Variants in ZBTB20 observed in about 807,000 individuals in gnomAD.
ZBTB20 encodes zinc finger and BTB domain containing 20.
Under a neutral mutation model 56.9 loss-of-function variants are expected in ZBTB20, and 9 were observed. The ratio of observed to expected loss-of-function variants is 0.16; its 90% confidence interval spans 0.10 to 0.28. ZBTB20 has a LOEUF of 0.28. Ranked by LOEUF, ZBTB20 falls within the 10% of genes least tolerant of loss-of-function variation. ZBTB20 has a pLI of 1.00. For synonymous variants in ZBTB20, 417 were observed against 420.7 expected (o/e 0.99, Z 0.11); for missense variants, 655 against 1,003.0 (o/e 0.65, Z 4.69).
intron 6 of ZBTB20, among the ~76,000 whole-genome samples, chr3:114,501,695 TG>T (rs1189006123): frequency 6.7e-6 from 1 of 149,326 alleles, no homozygotes; most frequent in Non-Finnish European, 1.5e-5. Context: ...CATTGTGCTT[TG>T]TTTTTTTTTC....
At chr3:114,913,775 G>A (rs1210884981) in intron 3 of ZBTB20, among the ~76,000 whole-genome samples, 1 of 151,740 alleles carries the variant, frequency 6.6e-6, no homozygotes, top group Non-Finnish European at 1.5e-5. Flanking sequence ...GAGAGAGAAG[G>A]GTCTAGTTTC....
intron 2 of ZBTB20, among the ~76,000 whole-genome samples, chr3:115,058,763 T>C (rs1371732519): frequency 6.6e-6 from 1 of 152,182 alleles, no homozygotes; most frequent in African/African-American, 2.4e-5. Flanking sequence ...AAGTAATTTT[T>C]CTTCCTTCCT....
Position 114,316,863 on chromosome 3 carries a change from TAGC to T in ZBTB20, c.*22139_*22141del, listed in dbSNP as rs750378491. Reference sequence around the variant, plus strand: ...TGGACATTCTGGACTCCGGGCACCTTAGCAGCAGCAGCAGCACCTTTATGAGAA... The same window carrying T: ...TGGACATTCTGGACTCCGGGCACCTTAGCAGCAGCAGCACCTTTATGAGAA... On this transcript the variant is annotated 3_prime_UTR_variant, in exon 12 of 12. Coordinates refer to ENST00000675478, the MANE Select transcript of ZBTB20 (RefSeq NM_001348800.3). The T allele has an allele frequency of 1.4e-4, 31 of 224,068 alleles. No homozygotes were observed. The highest frequency in any genetic ancestry group is 4.0e-4 in the African/African-American group (17 of 42,264). 13.9% of individuals were successfully genotyped at this position (224,068 alleles called of 1,614,324 possible). A position where few individuals can be genotyped will look rare whatever the true frequency, so the allele number is the denominator to read the frequency against.
At chr3:114,436,794 A>G (rs1409992109) in intron 7 of ZBTB20, among the ~76,000 whole-genome samples, 5 of 152,148 alleles carry the variant, frequency 3.3e-5, no homozygotes, top group African/African-American at 1.2e-4. Context: ...GCAGTGAGCC[A>G]TGATTGTGGC....
At chr3:114,475,610 G>C (rs183055320) in intron 7 of ZBTB20, among the ~76,000 whole-genome samples, 130 of 152,208 alleles carry the variant, frequency 8.5e-4, no homozygotes, top group African/African-American at 3.1e-3. Flanking sequence ...TTGCACAACA[G>C]AAAGTAACTT....
At position 114,395,040 on chromosome 3, in the gene ZBTB20, T is replaced by C. The variant is rs1366041074; in HGVS notation, c.-254-5935A>G. ...TTCCCTCTGAGAAATTCAATGAGCT[T>C]TACTAACCTTAATTGTCTAACAGCA... On this transcript the variant is annotated intron_variant, in intron 7 of 11. Transcript: ENST00000675478. 2.0e-5 allele frequency among the ~76,000 whole-genome samples: 3 copies of C among 152,184 alleles called. No individual in the cohort carries two copies. In the East Asian group the frequency reaches 5.8e-4, roughly 29 times the overall value.
intron 6 of ZBTB20, among the ~76,000 whole-genome samples, chr3:114,610,360 A>G (rs2057459576): frequency 6.6e-6 from 1 of 152,134 alleles, no homozygotes. Flanking sequence ...GCAGGTCTTA[A>G]CCCCAGTTTG....
chr3:114,561,702 G>T (rs1264547958), intron 6 of ZBTB20, among the ~76,000 whole-genome samples: 2 of 152,000 alleles, frequency 1.3e-5, no homozygotes, highest in Non-Finnish European at 2.9e-5. Flanking sequence ...AGGCAGGGTA[G>T]ATTTAACATA....
chr3:114,545,984 G>A (rs1334510541), intron 6 of ZBTB20, among the ~76,000 whole-genome samples: 1 of 152,154 alleles, frequency 6.6e-6, no homozygotes, highest in African/African-American at 2.4e-5. Flanking sequence ...TGTCCCTACA[G>A]AAACTTGAGA....
At chr3:115,069,658 T>A (rs143268233) in intron 2 of ZBTB20, among the ~76,000 whole-genome samples, 402 of 152,244 alleles carry the variant, frequency 2.6e-3, no homozygotes, top group African/African-American at 9.3e-3. Flanking sequence ...AGAACTAGTA[T>A]GTGTTGCTGC....
chr3:114,865,166 C>T (rs1347949984), intron 4 of ZBTB20, among the ~76,000 whole-genome samples: 1 of 152,108 alleles, frequency 6.6e-6, no homozygotes, highest in Non-Finnish European at 1.5e-5. Context: ...TAATACATCA[C>T]ACAGAAGGAT....
chr3:114,960,620 T>TCA (rs2077412680), intron 3 of ZBTB20, among the ~76,000 whole-genome samples: 2 of 152,236 alleles, frequency 1.3e-5, no homozygotes. Context: ...ACAAAACTGT[T>TCA]CACATAAATG....
intron 11 of ZBTB20, among the ~76,000 whole-genome samples, chr3:114,344,550 G>A (rs555828302): frequency 6.6e-6 from 1 of 152,186 alleles, no homozygotes; most frequent in African/African-American, 2.4e-5. Flanking sequence ...CATAAATTAT[G>A]TTATTCAATT....
At chr3:114,608,776 A>G (rs911847324) in intron 6 of ZBTB20, among the ~76,000 whole-genome samples, 1 of 152,188 alleles carries the variant, frequency 6.6e-6, no homozygotes, top group African/African-American at 2.4e-5. Flanking sequence ...CATGTAACAG[A>G]GGGTTTCTTT....
chr3:114,407,121 C>T (rs1043337625), intron 7 of ZBTB20, among the ~76,000 whole-genome samples: 1 of 152,140 alleles, frequency 6.6e-6, no homozygotes, highest in African/African-American at 2.4e-5. Flanking sequence ...GCGTCACTGT[C>T]CCAGTTTTTC....
intron 3 of ZBTB20, among the ~76,000 whole-genome samples, chr3:114,950,508 G>A (rs547648384): frequency 7.6e-4 from 115 of 152,122 alleles, no homozygotes; most frequent in Middle Eastern, 3.4e-3. Context: ...AGCTGACTAC[G>A]GATAACTGAA....
At chr3:114,663,085 G>A (rs1390207789) in intron 6 of ZBTB20, among the ~76,000 whole-genome samples, 17 of 150,762 alleles carry the variant, frequency 1.1e-4, no homozygotes, top group Non-Finnish European at 2.4e-4. Context: ...ACACACAATT[G>A]TCAGATTCAC....
At chr3:114,752,824 T>C (rs569004179) in intron 5 of ZBTB20, among the ~76,000 whole-genome samples, 1 of 152,296 alleles carries the variant, frequency 6.6e-6, no homozygotes, top group South Asian at 2.1e-4. Context: ...CTCTGCTTTA[T>C]GTGAAGTCCC....
At chr3:114,434,910 T>C (rs773753649) in intron 7 of ZBTB20, among the ~76,000 whole-genome samples, 3 of 152,012 alleles carry the variant, frequency 2.0e-5, no homozygotes, top group Non-Finnish European at 4.4e-5. Context: ...TGATTCAAAG[T>C]GAGGTGTAGT....
Sources: gnomAD v4.1 joint callset for allele counts (sites outside exome capture counted in the v4.1 genomes callset) on GRCh38, gnomAD v4.1.1 for gene constraint, MANE v1.5 for transcripts, NCBI Gene and HGNC (gene_info 2026-07-23, HGNC 2026-07-21) for gene names.